The following GALNT13 variants were observed in gnomAD, a reference collection of about 807,000 sequenced individuals.
GALNT13 encodes the protein UDP-GalNAc:polypeptide N-acetylgalactosaminyltransferase 13.
GALNT13 carries 28 observed loss-of-function variants against 64.2 expected under a neutral mutation model. The observed-to-expected ratio is 0.44, with a 90% confidence interval of 0.32 to 0.60. GALNT13 has a LOEUF of 0.60. Among genes scored for constraint, GALNT13 ranks in the 20% least tolerant of loss-of-function variants. The pLI is 0.05. For missense variants in GALNT13, 577 were observed against 669.8 expected (o/e 0.86, Z 1.53); for synonymous variants, 214 against 224.6 (o/e 0.95, Z 0.42).
chr2:153,081,421 T>G, the GALNT13 span, among the ~76,000 whole-genome samples: 1 of 152,214 alleles, frequency 6.6e-6, no homozygotes, highest in Admixed American at 6.5e-5. Flanking sequence ...TATTATTGAT[T>G]CTAGTCACCT....
At chr2:154,108,142 T>C (rs1448204179) in intron 3 of GALNT13, among the ~76,000 whole-genome samples, 1 of 152,084 alleles carries the variant, frequency 6.6e-6, no homozygotes, top group African/African-American at 2.4e-5. Context: ...TCACTTGTAA[T>C]TCTATTTTTT....
intron 9 of GALNT13, among the ~76,000 whole-genome samples, chr2:154,309,891 A>G (rs1693938465): frequency 6.6e-6 from 1 of 152,164 alleles, no homozygotes; most frequent in Non-Finnish European, 1.5e-5. Context: ...CAAAGTCAAA[A>G]GCCATGAACA....
At chr2:154,115,766 G>C (rs1703263924) in intron 3 of GALNT13, among the ~76,000 whole-genome samples, 1 of 152,070 alleles carries the variant, frequency 6.6e-6, no homozygotes, top group Non-Finnish European at 1.5e-5. Context: ...ATTAAATGCA[G>C]AGTCCCTACT....
intron 8 of GALNT13, 61 bp from the exon 9 acceptor site, chr2:154,301,346 CTT>C: frequency 3.0e-6 from 4 of 1,353,764 alleles, no homozygotes; most frequent in Non-Finnish European, 4.1e-6. Context: ...TTGGCCTAAG[CTT>C]CAGTTGCTTC....
the GALNT13 span, among the ~76,000 whole-genome samples, chr2:153,360,338 C>A: frequency 6.6e-6 from 1 of 152,328 alleles, no homozygotes; most frequent in East Asian, 1.9e-4. Context: ...GGGGTCCAAA[C>A]CACAGAGCCA....
rs771692552 is a variant in GALNT13, at chr2:154,450,470, C to G, written c.1590C>G (p.Asp530Glu). The G allele has an allele frequency of 5.0e-6, 8 of 1,612,512 alleles. No individual in the cohort carries two copies. In the East Asian group the frequency reaches 1.8e-4, roughly 36 times the overall value. ...NQCLDEPSEEDKMVPTMQDCS... is the reference protein window; with the variant it reads ...NQCLDEPSEEEKMVPTMQDCS... The stretch of plus-strand genomic sequence containing the variant: ...GTCTCGATGAACCTTCTGAAGAAGA[C>G]AAAATGGTGCCTACAATGCAGGACT... The change falls in exon 13 of 13, where the codon GAC becomes GAG. Residue 530 changes from aspartate (D) to glutamate (E), a missense_variant. By Grantham distance (45) the Asp-to-Glu change is conservative (BLOSUM62 2). Around this residue, in one of 3 missense-constraint regions of GALNT13, gnomAD observed 232 missense variants for 270.6 expected, o/e 0.86. Coordinates refer to ENST00000392825, the MANE Select transcript of GALNT13 (RefSeq NM_052917.4).
chr2:153,605,717 C>A, the GALNT13 span, among the ~76,000 whole-genome samples: 1 of 152,130 alleles, frequency 6.6e-6, no homozygotes, highest in East Asian at 1.9e-4. Flanking sequence ...AAGCTCACTT[C>A]TTTCCACACA....
intron 3 of GALNT13, among the ~76,000 whole-genome samples, chr2:154,053,654 T>C (rs1699761049): frequency 6.6e-6 from 1 of 152,190 alleles, no homozygotes; most frequent in Admixed American, 6.5e-5. Flanking sequence ...AAAAACATCA[T>C]TGGTTAGCAA....
At position 154,229,972 on chromosome 2, in the gene GALNT13, G is replaced by T. The variant is rs554736295; in HGVS notation, c.312-12058G>T. Among the ~76,000 whole-genome samples the T allele has an allele frequency of 6.6e-5, 10 of 152,164 alleles. No individual in the cohort carries two copies. In the East Asian group the frequency reaches 1.9e-3, roughly 30 times the overall value. On this transcript the variant is annotated intron_variant, in intron 4 of 12. Coordinates refer to ENST00000392825, the MANE Select transcript of GALNT13 (RefSeq NM_052917.4). ...CTGCCATGAGGAGAATATATTTTGA[G>T]GATCAAGAATACTCCACAGATGCAC... is the stretch of plus-strand genomic sequence containing the variant.
the GALNT13 span, among the ~76,000 whole-genome samples, chr2:153,803,197 T>G: frequency 6.6e-6 from 1 of 152,210 alleles, no homozygotes; most frequent in African/African-American, 2.4e-5. Context: ...GAAATTCAGA[T>G]GGATATTTTC....
chr2:153,572,888 G>A, the GALNT13 span, among the ~76,000 whole-genome samples: 3 of 152,024 alleles, frequency 2.0e-5, no homozygotes, highest in South Asian at 6.2e-4. Flanking sequence ...AATGATCCAT[G>A]TGCTAAGAAA....
chr2:154,408,516 AT>A (rs554710932), intron 10 of GALNT13, among the ~76,000 whole-genome samples: 101 of 152,234 alleles, frequency 6.6e-4, no homozygotes, highest in African/African-American at 2.3e-3. Context: ...AGAATGGAAC[AT>A]ACAGTAATGA....
the GALNT13 span, chr2:153,159,506 G>GTA: frequency 6.6e-6 from 1 of 152,424 alleles, no homozygotes; most frequent in African/African-American, 2.4e-5. Context: ...GCTGCATCGA[G>GTA]TATATAAGGA....
chr2:153,241,252 G>T, the GALNT13 span, among the ~76,000 whole-genome samples: 3 of 152,066 alleles, frequency 2.0e-5, no homozygotes, highest in Non-Finnish European at 4.4e-5. Flanking sequence ...TCTTCGTCTT[G>T]CCCAGAGAGC....
chr2:153,940,319 A>G (rs1225847177), intron 2 of GALNT13, among the ~76,000 whole-genome samples: 1 of 146,376 alleles, frequency 6.8e-6, no homozygotes, highest in Non-Finnish European at 1.5e-5. Flanking sequence ...GTGCAATGGT[A>G]CAATCTCAGC....
At chr2:153,417,607 A>C in the GALNT13 span, among the ~76,000 whole-genome samples, 2 of 152,186 alleles carry the variant, frequency 1.3e-5, no homozygotes, top group African/African-American at 4.8e-5. Context: ...GTAGATTGTA[A>C]AAAAGGAGAG....
chr2:153,179,051 AT>A, the GALNT13 span, among the ~76,000 whole-genome samples: 1 of 151,758 alleles, frequency 6.6e-6, no homozygotes, highest in African/African-American at 2.4e-5. Context: ...CCACAATCCC[AT>A]TTTTCTGTTT....
chr2:153,599,083 G>A, the GALNT13 span, among the ~76,000 whole-genome samples: 79 of 152,208 alleles, frequency 5.2e-4, no homozygotes, highest in Middle Eastern at 3.4e-3. Flanking sequence ...AGCAAAAGCA[G>A]TGAGGCTTGA....
At chr2:153,243,255 G>A in the GALNT13 span, among the ~76,000 whole-genome samples, 14 of 152,242 alleles carry the variant, frequency 9.2e-5, no homozygotes, top group South Asian at 2.9e-3. Context: ...TCTCCCATAG[G>A]ATTTCCCTCC....
Sources: gnomAD v4.1 joint callset for allele counts (sites outside exome capture counted in the v4.1 genomes callset) on GRCh38, gnomAD v4.1.1 for gene constraint, gnomAD v4.1.1 regional missense constraint, MANE v1.5 for transcripts, NCBI Gene and HGNC (gene_info 2026-07-23, HGNC 2026-07-21) for gene names.